The following CCSER1 variants were observed in gnomAD, a reference collection of about 807,000 sequenced individuals.
CCSER1 encodes coiled-coil serine rich protein 1.
CCSER1 carries 41 observed loss-of-function variants against 82.0 expected under a neutral mutation model. The ratio of observed to expected loss-of-function variants is 0.50; its 90% confidence interval spans 0.39 to 0.65. CCSER1 has a LOEUF of 0.65. Among genes scored for constraint, CCSER1 ranks in the 30% least tolerant of loss-of-function variants. The pLI, the probability that CCSER1 is intolerant of heterozygous loss-of-function variation, is 0.00. For missense variants in CCSER1, 1,119 were observed against 1,064.2 expected, an observed-to-expected ratio of 1.05 and a Z score of -0.72; for synonymous variants, 414 against 383.9, an observed-to-expected ratio of 1.08 and a Z score of -0.92.
chr4:90,363,789 A>T (rs1393431098), intron 3 of CCSER1, among the ~76,000 whole-genome samples: 1 of 152,004 alleles, frequency 6.6e-6, no homozygotes, highest in Non-Finnish European at 1.5e-5. Context: ...TTTCCCACTC[A>T]TTATTAGAGC....
chr4:90,424,682 A>G (rs1757286343), intron 4 of CCSER1, among the ~76,000 whole-genome samples: 1 of 152,224 alleles, frequency 6.6e-6, no homozygotes, highest in African/African-American at 2.4e-5. Flanking sequence ...GCCAGCTTCA[A>G]CCATCCCTTA....
At chr4:91,258,690 AT>A (rs1185896786) in intron 10 of CCSER1, among the ~76,000 whole-genome samples, 1 of 152,166 alleles carries the variant, frequency 6.6e-6, no homozygotes, top group African/African-American at 2.4e-5. Context: ...AGATTTATTC[AT>A]TTCCTGCTTA....
intron 6 of CCSER1, among the ~76,000 whole-genome samples, chr4:90,641,572 C>T (rs979011488): frequency 2.6e-5 from 4 of 152,050 alleles, no homozygotes; most frequent in Admixed American, 2.6e-4. Context: ...AACATTACTC[C>T]CCACAACCCT....
At chr4:91,095,813 T>C (rs573601091) in intron 10 of CCSER1, among the ~76,000 whole-genome samples, 1 of 152,106 alleles carries the variant, frequency 6.6e-6, no homozygotes, top group East Asian at 1.9e-4. Flanking sequence ...TCTCCATATC[T>C]GGTCCTTCAT....
intron 10 of CCSER1, among the ~76,000 whole-genome samples, chr4:91,337,329 A>T (rs933326874): frequency 2.6e-5 from 4 of 152,076 alleles, no homozygotes; most frequent in African/African-American, 9.7e-5. Context: ...ACACAAGAGA[A>T]CCATATTTTT....
chr4:90,705,462 A>T (rs973649338), intron 6 of CCSER1, among the ~76,000 whole-genome samples: 2 of 152,170 alleles, frequency 1.3e-5, no homozygotes, highest in Non-Finnish European at 2.9e-5. Flanking sequence ...CTCAGATCTC[A>T]AATTCCATGC....
At chr4:90,802,910 T>C (rs1272220798) in intron 7 of CCSER1, among the ~76,000 whole-genome samples, 3 of 150,862 alleles carry the variant, frequency 2.0e-5, no homozygotes, top group Non-Finnish European at 4.4e-5. Flanking sequence ...TTTTTTTTTT[T>C]CACTTGTTCA....
intron 9 of CCSER1, among the ~76,000 whole-genome samples, chr4:90,991,582 C>T (rs1418781280): frequency 8.6e-5 from 13 of 151,922 alleles, no homozygotes; most frequent in South Asian, 2.1e-4. Flanking sequence ...ATTCTCCTCC[C>T]TGTGTTTACA....
At chr4:91,001,722 C>A (rs973049891) in intron 9 of CCSER1, among the ~76,000 whole-genome samples, 5 of 152,158 alleles carry the variant, frequency 3.3e-5, no homozygotes, top group Non-Finnish European at 5.9e-5. Context: ...AATTCTGCAT[C>A]TTTTAAGTGG....
At chr4:90,727,483 A>G (rs3733455) in intron 7 of CCSER1, among the ~76,000 whole-genome samples, 8,699 of 152,218 alleles carry the variant, frequency 0.057, 349 homozygotes, top group Admixed American at 0.11. Context: ...ATCCTTTTCT[A>G]TCTTTTCCCT....
At chr4:90,829,749 AAG>A (rs1760904722) in intron 8 of CCSER1, among the ~76,000 whole-genome samples, 1 of 152,218 alleles carries the variant, frequency 6.6e-6, no homozygotes, top group Non-Finnish European at 1.5e-5. Context: ...ACAGCAAAAA[AAG>A]AGATCTTTAA....
intron 7 of CCSER1, among the ~76,000 whole-genome samples, chr4:90,751,814 G>C (rs762856336): frequency 2.0e-5 from 3 of 151,728 alleles, no homozygotes; most frequent in Non-Finnish European, 4.4e-5. Flanking sequence ...TTATATTTTA[G>C]ACTTAGCATA....
chr4:90,672,075 T>C (rs1346853346), intron 6 of CCSER1, among the ~76,000 whole-genome samples: 1 of 152,048 alleles, frequency 6.6e-6, no homozygotes, highest in Non-Finnish European at 1.5e-5. Context: ...GTTTCATTAA[T>C]TGAGCATGGG....
chr4:90,498,504 T>A (rs932044746), intron 5 of CCSER1, among the ~76,000 whole-genome samples: 2 of 152,202 alleles, frequency 1.3e-5, no homozygotes, highest in African/African-American at 4.8e-5. Context: ...TGATAAAGTT[T>A]AAGTTGAGAG....
At chr4:90,922,666 C>G (rs1186804126) in intron 8 of CCSER1, among the ~76,000 whole-genome samples, 1 of 152,046 alleles carries the variant, frequency 6.6e-6, no homozygotes, top group Non-Finnish European at 1.5e-5. Flanking sequence ...GAGTACAACA[C>G]TCTCAGCTGT....
intron 8 of CCSER1, among the ~76,000 whole-genome samples, chr4:90,817,142 G>T (rs1207772214): frequency 6.6e-6 from 1 of 151,794 alleles, no homozygotes; most frequent in East Asian, 1.9e-4. Context: ...TAGCCCTCTA[G>T]GTACATATTA....
intron 3 of CCSER1, among the ~76,000 whole-genome samples, chr4:90,371,933 C>T (rs1267831464): frequency 2.6e-5 from 4 of 152,028 alleles, no homozygotes; most frequent in African/African-American, 9.7e-5. Flanking sequence ...GTACACTAAC[C>T]TATATATATG....
At chr4:91,133,301 C>T (rs978647946) in intron 10 of CCSER1, among the ~76,000 whole-genome samples, 8 of 151,490 alleles carry the variant, frequency 5.3e-5, no homozygotes, top group African/African-American at 1.9e-4. Context: ...TAGGGTCTGG[C>T]GAGGCAGGAA....
intron 10 of CCSER1, among the ~76,000 whole-genome samples, chr4:91,346,179 G>C (rs1430378809): frequency 6.6e-6 from 1 of 151,914 alleles, no homozygotes; most frequent in Non-Finnish European, 1.5e-5. Context: ...ACCACACCCA[G>C]AGAATTTTTG....
Sources: gnomAD v4.1 joint callset for allele counts (sites outside exome capture counted in the v4.1 genomes callset) on GRCh38, gnomAD v4.1.1 for gene constraint, MANE v1.5 for transcripts, NCBI Gene and HGNC (gene_info 2026-07-23, HGNC 2026-07-21) for gene names.